The following NTRK3 variants were observed in gnomAD, a reference collection of about 807,000 sequenced individuals.
The protein encoded by NTRK3 is neurotrophic receptor tyrosine kinase 3.
In NTRK3, 24 loss-of-function variants were observed where a neutral mutation model predicts 91.7. That is an observed-to-expected ratio of 0.26 (90% CI 0.19 to 0.37). The LOEUF (loss-of-function observed/expected upper bound fraction) is 0.37, where lower values mean the gene tolerates loss of function less well. Among genes scored for constraint, NTRK3 ranks in the 10% least tolerant of loss-of-function variants. The pLI, the probability that NTRK3 is intolerant of heterozygous loss-of-function variation, is 1.00. For synonymous variants in NTRK3, 483 were observed against 404.0 expected (o/e 1.20, Z -2.34); for missense variants, 880 against 1,068.9 (o/e 0.82, Z 2.46).
chr15:88,186,786 G>GGCCT (rs762177812), intron 3 of NTRK3, among the ~76,000 whole-genome samples: 7 of 152,114 alleles, frequency 4.6e-5, no homozygotes, highest in Non-Finnish European at 8.8e-5. Context: ...GAGGCCATAT[G>GGCCT]GCCTGCAAAA....
intron 18 of NTRK3, among the ~76,000 whole-genome samples, chr15:87,878,538 A>T (rs2065060577): frequency 6.6e-6 from 1 of 152,156 alleles, no homozygotes; most frequent in Admixed American, 6.5e-5. Flanking sequence ...CACCTCCAGG[A>T]AAAGGGATTC....
chr15:87,929,656 T>C (rs1010304682), intron 16 of NTRK3, among the ~76,000 whole-genome samples: 1 of 152,202 alleles, frequency 6.6e-6, no homozygotes, highest in African/African-American at 2.4e-5. Context: ...AGAGCAGACA[T>C]ACTCAAATGG....
intron 13 of NTRK3, among the ~76,000 whole-genome samples, chr15:88,076,182 C>T (rs1174359529): frequency 2.0e-5 from 3 of 152,156 alleles, no homozygotes; most frequent in African/African-American, 7.2e-5. Flanking sequence ...AAGGTGGAAG[C>T]AAGATATGTT....
intron 3 of NTRK3, among the ~76,000 whole-genome samples, chr15:88,212,294 T>C (rs1039040978): frequency 6.6e-6 from 1 of 152,102 alleles, no homozygotes; most frequent in Non-Finnish European, 1.5e-5. Flanking sequence ...GGAGTGAACC[T>C]GGGAGGCGGA....
intron 13 of NTRK3, among the ~76,000 whole-genome samples, chr15:88,090,547 C>A (rs3784421): frequency 0.013 from 2,047 of 152,214 alleles, 29 homozygotes; most frequent in East Asian, 0.091. Flanking sequence ...GTAGGAAATC[C>A]TTAATGCAAA....
intron 13 of NTRK3, among the ~76,000 whole-genome samples, chr15:88,040,013 G>C (rs1245937773): frequency 6.6e-6 from 1 of 152,248 alleles, no homozygotes; most frequent in East Asian, 1.9e-4. Context: ...ATGCTTGCTT[G>C]GACCAGTATA....
chr15:87,861,971 A>G (rs967016523), exon 19 of NTRK3: 38 of 213,154 alleles, frequency 1.8e-4, no homozygotes, highest in Admixed American at 2.3e-4. Context: ...AAGGGAAAAT[A>G]ACTTGTATTA....
intron 3 of NTRK3, chr15:88,252,517 GCA>G (rs1491476742): frequency 6.6e-6 from 1 of 152,358 alleles, no homozygotes; most frequent in African/African-American, 2.4e-5. Context: ...CCAGCCCCAA[GCA>G]TACCTGGTCC....
intron 14 of NTRK3, among the ~76,000 whole-genome samples, chr15:88,029,797 G>A (rs757756731): frequency 5.9e-5 from 9 of 152,046 alleles, no homozygotes; most frequent in Non-Finnish European, 1.3e-4. Flanking sequence ...GTGGCTCATC[G>A]CACACAGGGA....
At chr15:88,096,976 G>C (rs776050358) in intron 13 of NTRK3, among the ~76,000 whole-genome samples, 2 of 152,162 alleles carry the variant, frequency 1.3e-5, no homozygotes, top group Non-Finnish European at 2.9e-5. Flanking sequence ...AGAAGGATTT[G>C]ACAGCCTTTC....
intron 14 of NTRK3, among the ~76,000 whole-genome samples, chr15:87,949,505 G>A (rs1221085452): frequency 6.6e-6 from 1 of 151,778 alleles, no homozygotes; most frequent in Non-Finnish European, 1.5e-5. Context: ...TGCTGTTTCT[G>A]GAAGCAGTGA....
At chr15:87,909,601 G>A (rs1399140674) in intron 17 of NTRK3, among the ~76,000 whole-genome samples, 1 of 152,142 alleles carries the variant, frequency 6.6e-6, no homozygotes, top group African/African-American at 2.4e-5. Context: ...TGGGCAGTTG[G>A]GAAGAGAAGG....
chr15:87,876,873 G>A (rs539871353), exon 19 of NTRK3: 22 of 1,567,274 alleles, frequency 1.4e-5, no homozygotes, highest in Admixed American at 1.3e-4. Flanking sequence ...TGAGGTGGAA[G>A]GGAGATGTGA....
intron 13 of NTRK3, among the ~76,000 whole-genome samples, chr15:88,088,412 C>T (rs2048705182): frequency 6.6e-6 from 1 of 152,234 alleles, no homozygotes; most frequent in South Asian, 2.1e-4. Context: ...ATGAGGAAAA[C>T]GTGGTCTTGT....
intron 14 of NTRK3, among the ~76,000 whole-genome samples, chr15:87,948,490 C>G (rs1178559026): frequency 6.6e-6 from 1 of 152,158 alleles, no homozygotes; most frequent in African/African-American, 2.4e-5. Context: ...GAGTTCAAGA[C>G]CAGCCTGGCC....
rs1009482459 is a variant in NTRK3 at position 88,255,041 on chromosome 15, G to A, written c.248+865C>T. ...CAGGCCACCACTGGTCTCCCTCGGA[G>A]GGGGCAGAACCAAGCAAAAGCCAGC... On this transcript the variant is annotated intron_variant, in intron 3 of 18. Coordinates refer to ENST00000394480, the Ensembl canonical transcript of NTRK3. This position sits in a 1 kb window ranked among gnomAD's most constrained non-coding sequence, Gnocchi z 4.3. Among the ~76,000 whole-genome samples the A allele has an allele frequency of 3.3e-5, 5 of 152,182 alleles. No homozygotes were observed.
intron 13 of NTRK3, among the ~76,000 whole-genome samples, chr15:88,036,438 C>A (rs2079078268): frequency 6.6e-6 from 1 of 150,694 alleles, no homozygotes; most frequent in South Asian, 2.1e-4. Flanking sequence ...AAAAAAAAAT[C>A]AATCCACTCT....
At chr15:87,976,302 T>C (rs1390847496) in intron 14 of NTRK3, among the ~76,000 whole-genome samples, 4 of 151,846 alleles carry the variant, frequency 2.6e-5, no homozygotes, top group African/African-American at 9.7e-5. Context: ...CATAAGGGGG[T>C]CTCAAACCAA....
rs34299110 is a variant in NTRK3 at position 88,147,505 on chromosome 15, C to CCTTCTTCTTCTT, written c.396-114_396-103dup. 4.2e-3 allele frequency: 2,744 copies of CCTTCTTCTTCTT among 660,132 alleles called. 9 individuals are homozygous for CCTTCTTCTTCTT. The highest frequency in any genetic ancestry group is 9.4e-3 in the African/African-American group (508 of 53,976). The allele number at this position is 660,132 out of a possible 1,614,324, so 40.9% of individuals were successfully genotyped here. A position where few individuals can be genotyped will look rare whatever the true frequency, so the allele number is the denominator to read the frequency against. On this transcript the variant is annotated intron_variant, in intron 5 of 18. Coordinates refer to ENST00000394480, the Ensembl canonical transcript of NTRK3. ...TTTCACTGGAGCCTGGCTTTGTTTT[C>CCTTCTTCTTCTT]CTTCTTCTTCTTCTTCTTCTTCTTC...
Sources: allele counts gnomAD v4.1 joint callset (sites outside exome capture counted in the v4.1 genomes callset), GRCh38; gene constraint gnomAD v4.1.1; non-coding constraint Gnocchi (gnomAD v3.1); transcripts MANE v1.5; gene names NCBI Gene and HGNC (gene_info 2026-07-23, HGNC 2026-07-21).